Variants in SRD5A3 observed in about 807,000 individuals in gnomAD.
The protein encoded by SRD5A3 is steroid 5 alpha-reductase 3.
In SRD5A3, 24 loss-of-function variants were observed where a neutral mutation model predicts 34.3. The observed-to-expected ratio is 0.70, with a 90% CI of 0.51 to 0.99. SRD5A3 has a LOEUF of 0.99. Among genes scored for constraint, SRD5A3 ranks in the 50% least tolerant of loss-of-function variants. SRD5A3 has a pLI of 0.00. For missense variants in SRD5A3, 350 were observed against 388.2 expected (o/e 0.90, Z 0.83); for synonymous variants, 161 against 167.3 (o/e 0.96, Z 0.29).
At chr4:55,363,487 A>T (rs561535083) in intron 2 of SRD5A3, among the ~76,000 whole-genome samples, 75 of 152,148 alleles carry the variant, frequency 4.9e-4, no homozygotes, top group African/African-American at 1.8e-3. Context: ...AACAAAAAAG[A>T]AAAAAAGAGA....
chr4:55,352,542 T>C (rs1719236154), intron 1 of SRD5A3: 1 of 473,748 alleles, frequency 2.1e-6, no homozygotes. Context: ...TGAGTTTATA[T>C]TTGTCTTGTT....
At position 55,372,967 on chromosome 4, in the gene SRD5A3, G is replaced by A. The variant is rs2109493232; in HGVS notation, c.*2876G>A. The A allele has an allele frequency of 6.6e-6, 1 of 150,426 alleles. No homozygotes were observed. The highest frequency in any genetic ancestry group is 2.4e-5 in the African/African-American group (1 of 41,012). 9.3% of individuals were successfully genotyped at this position (150,426 alleles called of 1,614,324 possible). The stretch of plus-strand genomic sequence containing the variant: ...AAAAAAAACCGTTGCAGATATTTTT[G>A]TATGTAGCTTAATAGATATTTAGTT... On this transcript the variant is annotated 3_prime_UTR_variant, in exon 5 of 5. Transcript: ENST00000264228.
At position 55,370,184 on chromosome 4, in the gene SRD5A3, C is replaced by T; in HGVS notation, c.*93C>T. ...AGCCCAAAGTACAGTTTCAGCAAAG[C>T]TGTTTGAAACTCTCCATTCCATTTC... On this transcript the variant is annotated 3_prime_UTR_variant, in exon 5 of 5. Transcript: ENST00000264228. 1 of 1,513,454 alleles carries T rather than the reference C, an allele frequency of 6.6e-7. No individual in the cohort carries two copies. Among genetic ancestry groups the T allele is most frequent in the Non-Finnish European group, 9.1e-7 (1 of 1,100,314 alleles). The allele number at this position is 1,513,454 out of a possible 1,614,324, so 93.8% of individuals were successfully genotyped here.
chr4:55,352,328 C>T (rs2109463648), intron 1 of SRD5A3: 1 of 793,310 alleles, frequency 1.3e-6, no homozygotes, highest in Admixed American at 1.7e-5. Context: ...TTAATTTATC[C>T]TTTTCTGTAA....
chr4:55,360,132 A>G lies in SRD5A3; in HGVS notation c.364+644A>G, dbSNP rs1048777235. On this transcript the variant is annotated intron_variant, in intron 2 of 4. Transcript: ENST00000264228. ...CGGGAGGCTGAGGCAGGAGAATGGCATGAACCCGAGAGGCGGAGCTTGCAG... is the reference window on the plus strand; with the variant it reads ...CGGGAGGCTGAGGCAGGAGAATGGCGTGAACCCGAGAGGCGGAGCTTGCAG... Among the ~76,000 whole-genome samples the G allele has an allele frequency of 5.4e-5, 8 of 149,118 alleles. No individual in the cohort carries two copies. In the South Asian group the frequency reaches 8.6e-4, roughly 16 times the overall value.
At chr4:55,348,382 A>G (rs890389511) in intron 1 of SRD5A3, among the ~76,000 whole-genome samples, 10 of 152,330 alleles carry the variant, frequency 6.6e-5, no homozygotes, top group Admixed American at 2.6e-4. Flanking sequence ...TCTCCAAAAA[A>G]TTAATACATG....
intron 1 of SRD5A3, among the ~76,000 whole-genome samples, chr4:55,355,286 G>A (rs1248611212): frequency 2.0e-5 from 3 of 151,982 alleles, no homozygotes; most frequent in Non-Finnish European, 4.4e-5. Flanking sequence ...GTGAAACCCC[G>A]TCTCTACTAA....
At chr4:55,367,416 A>G (rs1719942417) in intron 3 of SRD5A3, among the ~76,000 whole-genome samples, 172 bp from the exon 4 acceptor site, 1 of 152,218 alleles carries the variant, frequency 6.6e-6, no homozygotes, top group African/African-American at 2.4e-5. Context: ...ACATCAGGAA[A>G]TTACATCGGG....
chr4:55,359,549 G>A (rs2109473751), intron 2 of SRD5A3, 61 bp downstream of exon 2: 3 of 1,609,736 alleles, frequency 1.9e-6, no homozygotes, highest in South Asian at 1.1e-5. Context: ...CTGTCTGCAA[G>A]GGAGCAGTTT....
intron 3 of SRD5A3, 102 bp downstream of exon 3, chr4:55,364,373 A>C: frequency 3.0e-6 from 4 of 1,334,234 alleles, no homozygotes; most frequent in Non-Finnish European, 4.2e-6. Flanking sequence ...CAGAAGTAAG[A>C]GACAGGCCCA....
chr4:55,353,854 A>G (rs59368734), intron 1 of SRD5A3, among the ~76,000 whole-genome samples: 3,242 of 152,234 alleles, frequency 0.021, 123 homozygotes, highest in African/African-American at 0.075. Context: ...TGGACACACC[A>G]TTTTTAAGAA....
In SRD5A3 at chr4:55,370,009, C is replaced by T; in HGVS notation, c.875C>T (p.Ala292Val). The part of the protein sequence containing the change: ...TNVFFNQALS[A>V]FLSHQFYKSK... ...GTCTTCTTTAATCAGGCCCTGTCTG[C>T]CTTTCTCAGCCACCAATTCTACAAA... Residue 292 changes from alanine to valine, a missense_variant, in exon 5 of 5, where the codon GCC becomes GTC. Coordinates refer to ENST00000264228, the MANE Select transcript of SRD5A3 (RefSeq NM_024592.5). 4 of 1,614,184 alleles carry T rather than the reference C, an allele frequency of 2.5e-6. No individual in the cohort carries two copies. Among genetic ancestry groups the T allele is most frequent in the Non-Finnish European group, 3.4e-6 (4 of 1,180,030 alleles).
chr4:55,346,622 G>A, intron 1 of SRD5A3, 65 bp downstream of exon 1: 1 of 1,433,164 alleles, frequency 7.0e-7, no homozygotes, highest in Non-Finnish European at 9.3e-7. Context: ...GCCCCGGCTC[G>A]CGGGCAGCCA....
intron 1 of SRD5A3, among the ~76,000 whole-genome samples, chr4:55,348,629 A>G (rs759566338): frequency 6.6e-6 from 1 of 152,234 alleles, no homozygotes; most frequent in Non-Finnish European, 1.5e-5. Context: ...CTAAATGTTT[A>G]CATATATGAT....
At chr4:55,357,185 C>T (rs1719498400) in intron 1 of SRD5A3, among the ~76,000 whole-genome samples, 1 of 152,182 alleles carries the variant, frequency 6.6e-6, no homozygotes, top group Admixed American at 6.5e-5. Flanking sequence ...TAGATGTCTG[C>T]AGGTTTAGTT....
chr4:55,360,985 C>T (rs574834382), intron 2 of SRD5A3, among the ~76,000 whole-genome samples: 2 of 152,114 alleles, frequency 1.3e-5, no homozygotes, highest in Admixed American at 6.5e-5. Context: ...CCACCGCGCC[C>T]GGCCAGAACA....
At position 55,351,847 on chromosome 4, in the gene SRD5A3, A is replaced by T. The variant is rs1381863335; in HGVS notation, c.221+5290A>T. ...GGGGCTCCATAATCATCTGGCATTC[A>T]TTCAATGTTGTATCTATGGTTAGAA... is the stretch of plus-strand genomic sequence containing the variant. On this transcript the variant is annotated intron_variant, in intron 1 of 4. Transcript: ENST00000264228. 7 of 564,650 alleles carry T rather than the reference A, an allele frequency of 1.2e-5. No individual in the cohort carries two copies. The African/African-American group carries it at 1.3e-4, about 11-fold the overall frequency. 35.0% of individuals were successfully genotyped at this position (564,650 alleles called of 1,614,324 possible). A position where few individuals can be genotyped will look rare whatever the true frequency, so the allele number is the denominator to read the frequency against.
chr4:55,356,000 A>ATTTTTTTTTTTTTTTTTTTTTTTTTTTTT (rs10648522), intron 1 of SRD5A3, among the ~76,000 whole-genome samples: 3 of 74,264 alleles, frequency 4.0e-5, no homozygotes, highest in Non-Finnish European at 4.6e-5. Context: ...TTTTGCCTCC[A>ATTTTTTTTTTTTTTTTTTTTTTTTTTTTT]TTTTTTTTTT....
At chr4:55,351,746 G>C in intron 1 of SRD5A3, 1 of 436,936 alleles carries the variant, frequency 2.3e-6, no homozygotes, top group East Asian at 5.5e-5. Flanking sequence ...GCTCTTGCAT[G>C]TGTAATGAAC....
Sources: allele counts gnomAD v4.1 joint callset (sites outside exome capture counted in the v4.1 genomes callset), GRCh38; gene constraint gnomAD v4.1.1; transcripts MANE v1.5; gene names NCBI Gene and HGNC (gene_info 2026-07-23, HGNC 2026-07-21).